JAML: variants seen among roughly 807,000 people sequenced by gnomAD.
JAML encodes junction adhesion molecule like, also known as junctional adhesion molecule-like.
JAML carries 25 observed loss-of-function variants against 39.3 expected under a neutral mutation model. The ratio of observed to expected loss-of-function variants is 0.64; its 90% CI spans 0.46 to 0.89. The LOEUF is 0.89. Among genes scored for constraint, JAML ranks in the 40% least tolerant of loss-of-function variants. The pLI is 0.00. For missense variants in JAML, 440 were observed against 486.9 expected, an observed-to-expected ratio of 0.90 and a Z score of 0.91; for synonymous variants, 162 against 179.2, an observed-to-expected ratio of 0.90 and a Z score of 0.77.
intron 4 of JAML, 22 bp downstream of exon 4, chr11:118,210,465 C>T: frequency 6.2e-7 from 1 of 1,612,312 alleles, no homozygotes; most frequent in Non-Finnish European, 8.5e-7. Context: ...CTTGGCCCCT[C>T]TTTAAGTAAG....
chr11:118,203,364 C>G, intron 6 of JAML, 64 bp downstream of exon 6: 1 of 1,456,726 alleles, frequency 6.9e-7, no homozygotes, highest in Non-Finnish European at 9.6e-7. Flanking sequence ...CGGCCTCACT[C>G]TAGTCCTGGC....
rs759523562 is a variant in JAML, at chr11:118,210,751, T to C, written c.199-39A>G. The C allele has an allele frequency of 1.6e-5, 25 of 1,564,600 alleles. 1 individual carries two copies. In the South Asian group the frequency reaches 2.2e-4, roughly 14 times the overall value. On this transcript the variant is annotated intron_variant, in intron 3 of 9. Coordinates refer to ENST00000356289, the MANE Select transcript of JAML (RefSeq NM_001098526.2). ...CAGTGTTGGAGACAATCAAAAGAGG[T>C]GCCAGACCGAGGAGCCTGGATCCCA...
intron 9 of JAML, among the ~76,000 whole-genome samples, chr11:118,195,466 T>G (rs1294665638): frequency 6.6e-6 from 1 of 152,016 alleles, no homozygotes; most frequent in African/African-American, 2.4e-5. Flanking sequence ...CACTGCTCCT[T>G]AATAGGCTGG....
At chr11:118,195,893 G>A (rs1010612296) in intron 9 of JAML, among the ~76,000 whole-genome samples, 3 of 152,062 alleles carry the variant, frequency 2.0e-5, no homozygotes, top group East Asian at 1.9e-4. Context: ...GTGCAGTGGC[G>A]CGATCTTAGC....
intron 4 of JAML, chr11:118,209,024 T>C: frequency 4.2e-6 from 1 of 237,170 alleles, no homozygotes; most frequent in Non-Finnish European, 8.8e-6. Context: ...TTCTAGATTC[T>C]GGGGGAAGAA....
intron 4 of JAML, among the ~76,000 whole-genome samples, chr11:118,209,706 T>A (rs1186048851): frequency 6.6e-6 from 1 of 151,808 alleles, no homozygotes; most frequent in African/African-American, 2.4e-5. Flanking sequence ...TTATTTTTTT[T>A]TTATTTTTTA....
intron 1 of JAML, among the ~76,000 whole-genome samples, chr11:118,221,173 A>C (rs1229988641): frequency 6.6e-6 from 1 of 152,218 alleles, no homozygotes; most frequent in East Asian, 1.9e-4. Flanking sequence ...TTAAAAGGAA[A>C]AGGCAAAATT....
At chr11:118,213,504 T>C (rs1949100267) in intron 2 of JAML, 3 of 238,444 alleles carry the variant, frequency 1.3e-5, no homozygotes, top group Admixed American at 1.3e-4. Context: ...GAGGGAATTA[T>C]TTTGAAAGAA....
intron 7 of JAML, among the ~76,000 whole-genome samples, chr11:118,198,935 T>C (rs1261428535): frequency 6.6e-6 from 1 of 152,212 alleles, no homozygotes; most frequent in Non-Finnish European, 1.5e-5. Flanking sequence ...CCTCTCTCAG[T>C]GTAAGCATAA....
chr11:118,215,193 A>T (rs1949123933), intron 1 of JAML, among the ~76,000 whole-genome samples: 1 of 152,198 alleles, frequency 6.6e-6, no homozygotes, highest in Non-Finnish European at 1.5e-5. Context: ...CCATAAGGGA[A>T]GATTAGATGA....
At chr11:118,219,152 G>A (rs1266047395) in intron 1 of JAML, among the ~76,000 whole-genome samples, 1 of 152,020 alleles carries the variant, frequency 6.6e-6, no homozygotes, top group Non-Finnish European at 1.5e-5. Flanking sequence ...CATACAAATG[G>A]CCAACACATA....
At chr11:118,204,894 T>G (rs1272473288) in intron 5 of JAML, 1 of 152,200 alleles carries the variant, frequency 6.6e-6, no homozygotes, top group Non-Finnish European at 1.5e-5. Context: ...TTAAAGCTTT[T>G]AAGAAAAGTT....
intron 7 of JAML, among the ~76,000 whole-genome samples, chr11:118,199,354 G>A (rs1444168177): frequency 6.6e-6 from 1 of 152,154 alleles, no homozygotes; most frequent in Admixed American, 6.5e-5. Context: ...GACCTTTAGA[G>A]AGGCCAGCCA....
At chr11:118,208,766 T>C (rs1401601947) in intron 4 of JAML, among the ~76,000 whole-genome samples, 6 of 152,272 alleles carry the variant, frequency 3.9e-5, no homozygotes, top group Admixed American at 2.6e-4. Context: ...GTAAGTTTTA[T>C]ATCAATAAGC....
chr11:118,211,214 TG>T (rs1301994002), intron 3 of JAML, among the ~76,000 whole-genome samples: 1 of 152,290 alleles, frequency 6.6e-6, no homozygotes, highest in African/African-American at 2.4e-5. Flanking sequence ...CCACAGGGAA[TG>T]GTTCCAGGCT....
chr11:118,223,721 T>G (rs1284195120), intron 1 of JAML, among the ~76,000 whole-genome samples: 1 of 152,112 alleles, frequency 6.6e-6, no homozygotes, highest in Non-Finnish European at 1.5e-5. Flanking sequence ...TCTATACTAA[T>G]CTTCTCTGAG....
At chr11:118,210,348 A>C in intron 4 of JAML, 139 bp downstream of exon 4, 1 of 612,728 alleles carries the variant, frequency 1.6e-6, no homozygotes, top group Non-Finnish European at 2.8e-6. Flanking sequence ...TGAAATAATT[A>C]TGATCATTTT....
chr11:118,196,787 A>T lies in JAML; in HGVS notation c.1040T>A (p.Val347Glu). Residue 347 changes from valine to glutamate, a missense_variant, in exon 9 of 10, where the codon GTG (valine) becomes GAG (glutamate). By Grantham distance (121) the Val-to-Glu change is moderately radical. Transcript: ENST00000356289. Reference protein sequence around the residue: ...HIYSPIIVREVIEEEEPSEKS... With the variant: ...HIYSPIIVREEIEEEEPSEKS... Reference sequence around the variant, plus strand: ...TTCACTTGGTTCTTCTTCCTCGATCACCTCCCGTACAATTATTGGGGAGTA... The same window carrying T: ...TTCACTTGGTTCTTCTTCCTCGATCTCCTCCCGTACAATTATTGGGGAGTA... 1 of 1,612,484 alleles carries T rather than the reference A, an allele frequency of 6.2e-7. No homozygotes were observed. Among genetic ancestry groups the T allele is most frequent in the Non-Finnish European group, 8.5e-7 (1 of 1,178,764 alleles).
chr11:118,198,665 A>C (rs996874532), intron 7 of JAML, among the ~76,000 whole-genome samples: 2 of 143,428 alleles, frequency 1.4e-5, no homozygotes, highest in African/African-American at 5.5e-5. Flanking sequence ...TTTTGGCCTA[A>C]GTCAGAACTA....
Sources: gnomAD v4.1 joint callset for allele counts (sites outside exome capture counted in the v4.1 genomes callset) on GRCh38, gnomAD v4.1.1 for gene constraint, MANE v1.5 for transcripts, NCBI Gene and HGNC (gene_info 2026-07-23, HGNC 2026-07-21) for gene names.